The following CCDC91 variants were observed in gnomAD, a reference collection of about 807,000 sequenced individuals.
CCDC91 encodes the protein coiled-coil domain containing 91.
CCDC91 carries 48 observed loss-of-function variants against 63.2 expected under a neutral mutation model. The observed-to-expected ratio is 0.76, with a 90% CI of 0.60 to 0.97. The LOEUF (loss-of-function observed/expected upper bound fraction) is 0.97, where lower values mean the gene tolerates loss of function less well. CCDC91 is among the 50% of genes least tolerant of loss of function. CCDC91 has a pLI of 0.00. For synonymous variants in CCDC91, 167 were observed against 165.8 expected, an observed-to-expected ratio of 1.01 and a Z score of -0.06; for missense variants, 500 against 494.6, an observed-to-expected ratio of 1.01 and a Z score of -0.10.
At chr12:28,396,642 TTTTGTG>T (rs1449533376) in intron 8 of CCDC91, among the ~76,000 whole-genome samples, 4,772 of 148,510 alleles carry the variant, frequency 0.032, 103 homozygotes, top group African/African-American at 0.051. Context: ...ATAAAGGAGA[TTTTGTG>T]TGTGTGTGTG....
At chr12:28,388,063 A>G (rs1368950175) in intron 7 of CCDC91, among the ~76,000 whole-genome samples, 5 of 152,024 alleles carry the variant, frequency 3.3e-5, no homozygotes, top group Non-Finnish European at 7.4e-5. Flanking sequence ...TTTTTTGATT[A>G]CGGCCATTCT....
In CCDC91 at chr12:28,410,206, T is replaced by C. The variant is rs78522027; in HGVS notation, c.762+18795T>C. Among the ~76,000 whole-genome samples the C allele has an allele frequency of 3.9e-5, 6 of 152,328 alleles. No individual in the cohort carries two copies. In the East Asian group the frequency reaches 1.2e-3, roughly 29 times the overall value. On this transcript the variant is annotated intron_variant, in intron 8 of 12. Coordinates refer to ENST00000536442, the MANE Select transcript of CCDC91 (RefSeq NM_018318.5). ...TTTTTGAGTAGTTTTGACACACTTA[T>C]ATTTAGTGTATTCACATTTAGGATT...
intron 8 of CCDC91, among the ~76,000 whole-genome samples, chr12:28,443,092 G>A (rs11049604): frequency 0.21 from 31,116 of 151,264 alleles, 4,182 homozygotes; most frequent in Non-Finnish European, 0.3. Flanking sequence ...GATGGAAATA[G>A]GATGTTCTCT....
intron 3 of CCDC91, among the ~76,000 whole-genome samples, chr12:28,298,368 T>TTA (rs1323373675): frequency 7.2e-6 from 1 of 138,584 alleles, no homozygotes; most frequent in Non-Finnish European, 1.7e-5. Context: ...TGAGTTTTTT[T>TTA]TTTTTTTTTC....
chr12:28,298,250 G>A (rs1949672072), intron 3 of CCDC91, among the ~76,000 whole-genome samples: 1 of 151,630 alleles, frequency 6.6e-6, no homozygotes, highest in South Asian at 2.1e-4. Flanking sequence ...CCTATGAATT[G>A]TAAGCACTTT....
intron 8 of CCDC91, among the ~76,000 whole-genome samples, chr12:28,403,307 C>A (rs1344989788): frequency 6.6e-6 from 1 of 152,070 alleles, no homozygotes; most frequent in Non-Finnish European, 1.5e-5. Context: ...GTTGTCTTAG[C>A]CTCTTTGGGG....
At chr12:28,447,028 G>A (rs2140290097) in intron 8 of CCDC91, among the ~76,000 whole-genome samples, 3 of 152,224 alleles carry the variant, frequency 2.0e-5, no homozygotes, top group Admixed American at 2.0e-4. Context: ...TAGAAAAGGT[G>A]TAATTTGGTA....
At chr12:28,547,323 A>G (rs1296328718) in intron 12 of CCDC91, among the ~76,000 whole-genome samples, 1 of 152,112 alleles carries the variant, frequency 6.6e-6, no homozygotes, top group Non-Finnish European at 1.5e-5. Context: ...TATGACTTTA[A>G]TCTCCCATGT....
chr12:28,477,502 C>G (rs1951171123), intron 11 of CCDC91, among the ~76,000 whole-genome samples: 1 of 152,082 alleles, frequency 6.6e-6, no homozygotes, highest in African/African-American at 2.4e-5. Flanking sequence ...AAACCCACAG[C>G]CAATATCATA....
At position 28,431,195 on chromosome 12, in the gene CCDC91, G is replaced by C. The variant is rs78656586; in HGVS notation, c.763-18966G>C. The stretch of plus-strand genomic sequence containing the variant: ...TAAATGTTTCACATATGTTTGAAAA[G>C]AATGTATATTCTCCAACTGTTGGTT... On this transcript the variant is annotated intron_variant, in intron 8 of 12. Coordinates refer to ENST00000536442, the MANE Select transcript of CCDC91 (RefSeq NM_018318.5). Among the ~76,000 whole-genome samples the C allele has an allele frequency of 9.2e-3, 1,402 of 152,184 alleles. 26 individuals are homozygous for C. The highest frequency in any genetic ancestry group is 0.032 in the African/African-American group (1,332 of 41,542).
chr12:28,296,958 A>C (rs1274804451), intron 3 of CCDC91, among the ~76,000 whole-genome samples: 1 of 151,886 alleles, frequency 6.6e-6, no homozygotes, highest in Admixed American at 6.6e-5. Flanking sequence ...TGGGGATCAG[A>C]GGTGAGATGA....
intron 6 of CCDC91, among the ~76,000 whole-genome samples, chr12:28,316,255 A>G (rs1565785779): frequency 1.3e-5 from 2 of 151,694 alleles, no homozygotes; most frequent in African/African-American, 2.4e-5. Flanking sequence ...TGTATGTTGG[A>G]TAGTCTTTGC....
chr12:28,243,617 A>G (rs1945500709), intron 1 of CCDC91, among the ~76,000 whole-genome samples: 1 of 152,228 alleles, frequency 6.6e-6, no homozygotes, highest in South Asian at 2.1e-4. Context: ...TCATGGACAT[A>G]TACAGAATTC....
intron 6 of CCDC91, among the ~76,000 whole-genome samples, chr12:28,348,583 G>T (rs1190410286): frequency 6.6e-6 from 1 of 152,102 alleles, no homozygotes; most frequent in Non-Finnish European, 1.5e-5. Context: ...AATTATTTTT[G>T]ATGTGTTACT....
chr12:28,259,464 G>GTTTTT, intron 3 of CCDC91, 22 bp downstream of exon 3: 25 of 1,094,742 alleles, frequency 2.3e-5, no homozygotes, highest in South Asian at 4.5e-5. Flanking sequence ...CAGGAATTAG[G>GTTTTT]GTTTTTTTTT....
chr12:28,309,515 G>A (rs909453692), intron 6 of CCDC91, among the ~76,000 whole-genome samples: 1 of 151,812 alleles, frequency 6.6e-6, no homozygotes, highest in Non-Finnish European at 1.5e-5. Context: ...ACCAGTCTTA[G>A]CATCTTATTC....
intron 12 of CCDC91, among the ~76,000 whole-genome samples, chr12:28,514,458 T>C (rs1385034496): frequency 7.0e-6 from 1 of 141,980 alleles, no homozygotes; most frequent in African/African-American, 2.4e-5. Context: ...TTTAGTTTTT[T>C]TTTTTGTTTG....
chr12:28,363,016 C>T (rs1944006654), intron 7 of CCDC91, among the ~76,000 whole-genome samples: 1 of 152,074 alleles, frequency 6.6e-6, no homozygotes. Context: ...TCTGTGCCTG[C>T]ATAAGCTGAA....
chr12:28,430,991 A>G (rs2140080903), intron 8 of CCDC91, among the ~76,000 whole-genome samples: 1 of 152,254 alleles, frequency 6.6e-6, no homozygotes, highest in South Asian at 2.1e-4. Context: ...AAGTGTGTCT[A>G]CTTCAGCACA....
Sources: allele counts gnomAD v4.1 joint callset (sites outside exome capture counted in the v4.1 genomes callset), GRCh38; gene constraint gnomAD v4.1.1; transcripts MANE v1.5; gene names NCBI Gene and HGNC (gene_info 2026-07-23, HGNC 2026-07-21).